Variants in DLGAP2 observed in about 807,000 individuals in gnomAD.
DLGAP2 encodes disks large-associated protein 2.
A neutral mutation model predicts 100.3 loss-of-function variants in DLGAP2; 26 were observed. That is an observed-to-expected ratio of 0.26 (90% confidence interval 0.19 to 0.36). DLGAP2 has a LOEUF of 0.36. DLGAP2 is among the 10% of genes least tolerant of loss of function. The pLI is 1.00. For synonymous variants in DLGAP2, 886 were observed against 630.1 expected, an observed-to-expected ratio of 1.41 and a Z score of -6.08; for missense variants, 1,858 against 1,453.2, an observed-to-expected ratio of 1.28 and a Z score of -4.53.
intron 3 of DLGAP2, among the ~76,000 whole-genome samples, chr8:1,485,013 T>G (rs924599971): frequency 2.6e-5 from 4 of 152,160 alleles, no homozygotes; most frequent in African/African-American, 9.7e-5. Context: ...ATAACTGCAA[T>G]GAGGATGAAA....
chr8:1,680,628 C>T (rs1448186172), intron 12 of DLGAP2: 6 of 152,244 alleles, frequency 3.9e-5, no homozygotes, highest in African/African-American at 1.4e-4. Flanking sequence ...CTGCATGGGG[C>T]TGGTGCAAGT....
chr8:744,233 A>G (rs1439519288), intron 1 of DLGAP2, among the ~76,000 whole-genome samples: 1 of 151,834 alleles, frequency 6.6e-6, no homozygotes, highest in Non-Finnish European at 1.5e-5. Context: ...TATACCCCCG[A>G]CCCACGAGAT....
intron 2 of DLGAP2, among the ~76,000 whole-genome samples, chr8:986,059 G>A (rs1181668508): frequency 6.6e-6 from 1 of 152,196 alleles, no homozygotes; most frequent in Non-Finnish European, 1.5e-5. Context: ...TGGTTGGGAA[G>A]AAGTTTCTGG....
chr8:744,622 G>C (rs6997751), intron 1 of DLGAP2, among the ~76,000 whole-genome samples: 31 of 94,970 alleles, frequency 3.3e-4, no homozygotes, highest in South Asian at 1.7e-3. Context: ...CTCCGGCCAC[G>C]TCGCCCTCCC....
intron 2 of DLGAP2, among the ~76,000 whole-genome samples, chr8:1,253,394 C>G (rs1040037283): frequency 6.6e-6 from 1 of 152,202 alleles, no homozygotes; most frequent in Non-Finnish European, 1.5e-5. Flanking sequence ...GCGGGTGCTG[C>G]GGAGGCCGAC....
chr8:1,157,696 C>T (rs1354605227), intron 2 of DLGAP2, among the ~76,000 whole-genome samples: 1 of 152,174 alleles, frequency 6.6e-6, no homozygotes, highest in African/African-American at 2.4e-5. Flanking sequence ...ATAATAGGCT[C>T]TTAATAAAAA....
At chr8:814,789 C>T (rs1415603825) in intron 1 of DLGAP2, among the ~76,000 whole-genome samples, 4 of 135,712 alleles carry the variant, frequency 2.9e-5, no homozygotes, top group Non-Finnish European at 6.1e-5. Flanking sequence ...GGAGGTGGAG[C>T]TGCAGTGAGC....
chr8:1,291,386 T>G (rs1800054936), intron 3 of DLGAP2, among the ~76,000 whole-genome samples: 1 of 152,080 alleles, frequency 6.6e-6, no homozygotes, highest in African/African-American at 2.4e-5. Flanking sequence ...TGGGCATTAC[T>G]CTCTAAAGTC....
chr8:775,257 A>G (rs1451330539), intron 1 of DLGAP2, among the ~76,000 whole-genome samples: 5 of 152,048 alleles, frequency 3.3e-5, no homozygotes, highest in Admixed American at 6.6e-5. Flanking sequence ...GGGCTGAGAC[A>G]ATGGGGTTTT....
At chr8:1,598,082 G>T (rs771131362) in intron 6 of DLGAP2, among the ~76,000 whole-genome samples, 1 of 152,162 alleles carries the variant, frequency 6.6e-6, no homozygotes, top group Non-Finnish European at 1.5e-5. Context: ...AAGCAGTGTC[G>T]AATTTTATTG....
At chr8:1,170,518 T>A (rs1341986456) in intron 2 of DLGAP2, among the ~76,000 whole-genome samples, 4 of 151,434 alleles carry the variant, frequency 2.6e-5, no homozygotes, top group African/African-American at 9.7e-5. Flanking sequence ...GGTCCTGGAC[T>A]CTTTTTGGTT....
chr8:1,599,801 T>C (rs2956942), intron 6 of DLGAP2, among the ~76,000 whole-genome samples: 112,177 of 152,092 alleles, frequency 0.74, 41,657 homozygotes, highest in East Asian at 0.92. Context: ...GAATACAGCA[T>C]ACTAATGGGC....
chr8:1,114,127 G>A (rs1414279247), intron 2 of DLGAP2, among the ~76,000 whole-genome samples: 2 of 152,030 alleles, frequency 1.3e-5, no homozygotes, highest in Non-Finnish European at 2.9e-5. Flanking sequence ...TTTTTTCATC[G>A]ATGTTCATCA....
At chr8:1,432,118 T>G (rs1584895325) in intron 3 of DLGAP2, among the ~76,000 whole-genome samples, 1 of 152,288 alleles carries the variant, frequency 6.6e-6, no homozygotes, top group African/African-American at 2.4e-5. Context: ...GGGGCTGAAC[T>G]CTGGCGTTTG....
At chr8:1,345,652 A>T (rs945063965) in intron 3 of DLGAP2, among the ~76,000 whole-genome samples, 1 of 152,222 alleles carries the variant, frequency 6.6e-6, no homozygotes, top group African/African-American at 2.4e-5. Flanking sequence ...GCCCTGAGGG[A>T]TGGGCAGGAC....
chr8:994,311 C>T (rs1438208725), intron 2 of DLGAP2, among the ~76,000 whole-genome samples: 2 of 152,144 alleles, frequency 1.3e-5, no homozygotes, highest in East Asian at 3.9e-4. Context: ...AGCGATTCTC[C>T]TGCCTTAGCC....
chr8:1,699,459 A>T (rs995023780), intron 14 of DLGAP2, among the ~76,000 whole-genome samples: 1 of 151,796 alleles, frequency 6.6e-6, no homozygotes, highest in Admixed American at 6.6e-5. Context: ...CAAAAAAAAA[A>T]AAAAATTAGC....
chr8:1,208,832 C>T (rs1798047637), intron 2 of DLGAP2, among the ~76,000 whole-genome samples: 1 of 151,288 alleles, frequency 6.6e-6, no homozygotes, highest in South Asian at 2.1e-4. Flanking sequence ...AGAATCAGAT[C>T]AAGAACTCCA....
intron 12 of DLGAP2, chr8:1,688,412 TAA>T (rs1416167880): frequency 6.6e-6 from 1 of 152,266 alleles, no homozygotes; most frequent in Non-Finnish European, 1.5e-5. Context: ...TTGCTTTTAT[TAA>T]AAGTTATGCT....
Sources: gnomAD v4.1 joint callset for allele counts (sites outside exome capture counted in the v4.1 genomes callset) on GRCh38, gnomAD v4.1.1 for gene constraint, MANE v1.5 for transcripts, NCBI Gene and HGNC (gene_info 2026-07-23, HGNC 2026-07-21) for gene names.